Variants in MTG2 observed in about 807,000 individuals in gnomAD.
MTG2 encodes mitochondrial ribosome associated GTPase 2.
A neutral mutation model predicts 28.6 loss-of-function variants in MTG2; 23 were observed. The observed-to-expected ratio is 0.80, with a 90% CI of 0.58 to 1.14. MTG2 has a LOEUF of 1.14. Ranked by LOEUF, MTG2 falls within the 50% of genes most tolerant of loss-of-function variation. The probability of loss-of-function intolerance (pLI) is 0.00; values close to 1 mark genes in which losing one functional copy is unlikely to be tolerated. For missense variants in MTG2, 539 were observed against 552.0 expected, an observed-to-expected ratio of 0.98 and a Z score of 0.24; for synonymous variants, 260 against 251.8, an observed-to-expected ratio of 1.03 and a Z score of -0.31.
At chr20:62,190,418 T>G (rs2057934547) in intron 1 of MTG2, among the ~76,000 whole-genome samples, 1 of 152,204 alleles carries the variant, frequency 6.6e-6, no homozygotes, top group Admixed American at 6.5e-5. Context: ...TGCTCTCCCT[T>G]CCCTCCTCAA....
At chr20:62,184,113 C>T (rs1393054339) in intron 1 of MTG2, among the ~76,000 whole-genome samples, 3 of 152,206 alleles carry the variant, frequency 2.0e-5, no homozygotes, top group African/African-American at 7.2e-5. Context: ...AATCCCAGAA[C>T]TTTGGGAGGC....
Position 62,195,892 on chromosome 20 carries a change from G to A in MTG2, c.295G>A (p.Glu99Lys). ...CTGCTTCCACAGTGAGCCCCGCAAG[G>A]AGTTTGGAGGCCCTGATGGAGGGGA... is the stretch of plus-strand genomic sequence containing the variant. The part of the protein sequence containing the change: ...ASCFHSEPRK[E>K]FGGPDGGDGG... The change falls in exon 3 of 7, where the codon GAG (glutamate) becomes AAG (lysine). Residue 99 changes from glutamate to lysine, a missense_variant. Glu to Lys is a moderately conservative substitution (Grantham distance 56). Coordinates refer to ENST00000370823, the MANE Select transcript of MTG2 (RefSeq NM_015666.4). 1 of 1,614,216 alleles carries A rather than the reference G, an allele frequency of 6.2e-7. No homozygotes were observed. The highest frequency in any genetic ancestry group is 1.1e-5 in the South Asian group (1 of 91,086).
intron 1 of MTG2, among the ~76,000 whole-genome samples, chr20:62,190,673 G>A (rs1456292008): frequency 6.6e-6 from 1 of 152,234 alleles, no homozygotes; most frequent in African/African-American, 2.4e-5. Context: ...CCTAGATCCT[G>A]GACCAGAAGA....
intron 1 of MTG2, among the ~76,000 whole-genome samples, chr20:62,191,350 A>G (rs1182434250): frequency 1.3e-5 from 2 of 152,080 alleles, no homozygotes; most frequent in East Asian, 1.9e-4. Context: ...GCCAGTCTCA[A>G]TGACACCCTG....
At chr20:62,195,673 A>G (rs2058044572) in intron 2 of MTG2, 129 bp from the exon 3 acceptor site, 10 of 1,098,600 alleles carry the variant, frequency 9.1e-6, no homozygotes, top group Non-Finnish European at 1.2e-5. Context: ...GATTAGCAAT[A>G]TTAGTGTCAT....
At chr20:62,196,169 T>TGG (rs2058054759) in intron 3 of MTG2, among the ~76,000 whole-genome samples, 1 of 82,546 alleles carries the variant, frequency 1.2e-5, no homozygotes, top group Admixed American at 1.6e-4. Context: ...GTTTTTTTGT[T>TGG]TTTTTTTTTT....
intron 4 of MTG2, among the ~76,000 whole-genome samples, chr20:62,198,428 G>A (rs924378469): frequency 1.8e-4 from 28 of 152,250 alleles, no homozygotes; most frequent in Non-Finnish European, 7.3e-5. Context: ...TCAGAAGGGT[G>A]TGTACGCAGC....
chr20:62,193,600 G>A lies in MTG2; in HGVS notation c.180G>A (p.Lys60=). The change falls in exon 2 of 7, where the codon AAG becomes AAA. Residue 60 remains lysine, a synonymous_variant. Coordinates refer to ENST00000370823, the MANE Select transcript of MTG2 (RefSeq NM_015666.4). ...CCAAGCATCAGGAACTCCCGGGGAA[G>A]AAGCTGCTCTCTGAGAAAAAGCTGG... ...DLAKHQELPG[K]KLLSEKKLKR... 6.2e-7 allele frequency: 1 copy of A among 1,612,702 alleles called. No homozygotes were observed. The highest frequency in any genetic ancestry group is 8.5e-7 in the Non-Finnish European group (1 of 1,179,890).
intron 4 of MTG2, 126 bp from the exon 5 acceptor site, chr20:62,198,508 C>A: frequency 1.0e-6 from 1 of 984,774 alleles, no homozygotes; most frequent in Non-Finnish European, 1.5e-6. Flanking sequence ...GTGAGTGGGG[C>A]GGGCAGCTGC....
intron 2 of MTG2, among the ~76,000 whole-genome samples, chr20:62,195,010 C>A (rs1040916723): frequency 2.0e-5 from 3 of 152,184 alleles, no homozygotes; most frequent in Admixed American, 1.3e-4. Flanking sequence ...TCCTGGCCAA[C>A]ACGGTGAAAC....
At chr20:62,193,719 T>C (rs1013006123) in intron 2 of MTG2, 95 bp downstream of exon 2, 19 of 1,165,084 alleles carry the variant, frequency 1.6e-5, no homozygotes, top group Middle Eastern at 2.9e-4. Flanking sequence ...TCTCTGTTGA[T>C]GTTAGTTGAT....
rs185489109 is a variant in MTG2 at position 62,188,944 on chromosome 20, C to T, written c.-5-4472C>T. ...GTATATTGTACAGTTGTTGGATGTA[C>T]TGTTATGTAAATGTCAACTAGATAA... On this transcript the variant is annotated intron_variant, in intron 1 of 6. Transcript: ENST00000370823. The T allele has an allele frequency of 3.9e-5, 6 of 152,148 alleles. No homozygotes were observed. The East Asian group carries it at 9.7e-4, about 24-fold the overall frequency. The allele number at this position is 152,148 out of a possible 1,614,324, so 9.4% of individuals were successfully genotyped here. A position where few individuals can be genotyped will look rare whatever the true frequency, so the allele number is the denominator to read the frequency against.
chr20:62,190,300 T>C (rs1346542698), intron 1 of MTG2, among the ~76,000 whole-genome samples: 2 of 152,334 alleles, frequency 1.3e-5, no homozygotes, highest in Admixed American at 6.5e-5. Context: ...TGTGGATTAC[T>C]TCTGTGCGCG....
chr20:62,198,153 C>T, intron 4 of MTG2, 186 bp downstream of exon 4: 1 of 594,298 alleles, frequency 1.7e-6, no homozygotes, highest in South Asian at 2.0e-5. Flanking sequence ...CCCAGACGGG[C>T]ATTTGTACCA....
chr20:62,184,649 T>G (rs2145821438), intron 1 of MTG2, among the ~76,000 whole-genome samples: 1 of 152,212 alleles, frequency 6.6e-6, no homozygotes, highest in South Asian at 2.1e-4. Flanking sequence ...CTGCCTCCAG[T>G]CTCTGGTAGA....
At chr20:62,192,517 G>A (rs1482831281) in intron 1 of MTG2, among the ~76,000 whole-genome samples, 1 of 152,146 alleles carries the variant, frequency 6.6e-6, no homozygotes, top group Non-Finnish European at 1.5e-5. Context: ...TCATCATGGA[G>A]ACATGATCAG....
At chr20:62,198,004 T>A (rs1483694112) in intron 4 of MTG2, 37 bp downstream of exon 4, 2 of 1,584,160 alleles carry the variant, frequency 1.3e-6, no homozygotes, top group African/African-American at 2.7e-5. Flanking sequence ...CTGTCCCCGT[T>A]GTTCTGGATC....
At position 62,197,907 on chromosome 20, in the gene MTG2, T is replaced by A; in HGVS notation, c.408T>A (p.Ser136Arg). 1 of 1,614,150 alleles carries A rather than the reference T, an allele frequency of 6.2e-7. No homozygotes were observed. The highest frequency in any genetic ancestry group is 8.5e-7 in the Non-Finnish European group (1 of 1,180,024). Residue 136 changes from serine to arginine, a missense_variant, in exon 4 of 7, where the codon AGT becomes AGA. Ser to Arg is a moderately radical substitution (Grantham distance 110). Coordinates refer to ENST00000370823, the MANE Select transcript of MTG2 (RefSeq NM_015666.4). ...SSVLSRYQGFSGEDGGSKNCF... is the reference protein window; with the variant it reads ...SSVLSRYQGFRGEDGGSKNCF... Reference sequence around the variant, plus strand: ...TCCTGTCGCGGTACCAGGGTTTCAGTGGAGAAGATGGAGGGAGTAAAAACT... The same window carrying A: ...TCCTGTCGCGGTACCAGGGTTTCAGAGGAGAAGATGGAGGGAGTAAAAACT...
intron 2 of MTG2, among the ~76,000 whole-genome samples, chr20:62,195,023 C>T (rs1405029674): frequency 6.6e-6 from 1 of 152,068 alleles, no homozygotes; most frequent in South Asian, 2.1e-4. Flanking sequence ...GGTGAAACCC[C>T]GTCTCTACTA....
Sources: allele counts gnomAD v4.1 joint callset (sites outside exome capture counted in the v4.1 genomes callset), GRCh38; gene constraint gnomAD v4.1.1; transcripts MANE v1.5; gene names NCBI Gene and HGNC (gene_info 2026-07-23, HGNC 2026-07-21).